The following MCTP1 variants were observed in gnomAD, a reference collection of about 807,000 sequenced individuals.
MCTP1 encodes the protein multiple C2 and transmembrane domain-containing protein 1.
In MCTP1, 69 loss-of-function variants were observed where a neutral mutation model predicts 120.6. The ratio of observed to expected loss-of-function variants is 0.57; its 90% confidence interval spans 0.47 to 0.70. The LOEUF (loss-of-function observed/expected upper bound fraction) is 0.70. MCTP1 is among the 30% of genes least tolerant of loss of function. The pLI, the probability that MCTP1 is intolerant of heterozygous loss-of-function variation, is 0.00. For synonymous variants in MCTP1, 529 were observed against 493.1 expected (o/e 1.07, Z -0.96); for missense variants, 1,203 against 1,248.8 (o/e 0.96, Z 0.55).
At chr5:95,132,501 T>G (rs1288834158) in intron 1 of MCTP1, among the ~76,000 whole-genome samples, 1 of 152,236 alleles carries the variant, frequency 6.6e-6, no homozygotes, top group South Asian at 2.1e-4. Flanking sequence ...AGTATTCCGA[T>G]AGAATTCCTA....
At chr5:95,113,600 A>T (rs1299057073) in intron 1 of MCTP1, among the ~76,000 whole-genome samples, 1 of 152,208 alleles carries the variant, frequency 6.6e-6, no homozygotes, top group East Asian at 1.9e-4. Flanking sequence ...AACCAGCCCT[A>T]GCCAGAAAGG....
intron 17 of MCTP1, among the ~76,000 whole-genome samples, chr5:94,862,053 T>C (rs1795915358): frequency 6.6e-6 from 1 of 151,810 alleles, no homozygotes; most frequent in Non-Finnish European, 1.5e-5. Flanking sequence ...CTGGTGATAT[T>C]TGTAATTTTT....
rs780202838 is a variant in MCTP1, at chr5:94,707,577, CAG to C, written c.2929-12_2929-11del. 6.8e-6 allele frequency: 11 copies of C among 1,607,480 alleles called. No homozygotes were observed. The highest frequency in any genetic ancestry group is 3.3e-5 in the South Asian group (3 of 90,900). On this transcript the variant is annotated splice_polypyrimidine_tract_variant and intron_variant, in intron 22 of 22. Transcript: ENST00000515393. ...GTTCTTGGTATTGCACCTGTTTAAA[CAG>C]AGTTCAGAGGAAGACTGGTCAGGTG...
intron 1 of MCTP1, among the ~76,000 whole-genome samples, chr5:95,120,205 A>G (rs1758124153): frequency 1.3e-5 from 2 of 149,316 alleles, no homozygotes; most frequent in South Asian, 4.2e-4. Context: ...TCTCCCAGCT[A>G]CGAAAAGTCC....
chr5:94,787,709 T>C (rs1016513790), intron 18 of MCTP1, among the ~76,000 whole-genome samples: 4 of 151,664 alleles, frequency 2.6e-5, no homozygotes, highest in Non-Finnish European at 5.9e-5. Context: ...CTCCGCCTCC[T>C]GGGTTCACGC....
chr5:94,844,181 T>G (rs1450455793), intron 17 of MCTP1, among the ~76,000 whole-genome samples: 1 of 151,070 alleles, frequency 6.6e-6, no homozygotes, highest in African/African-American at 2.4e-5. Flanking sequence ...CGGATGCCTG[T>G]AATCCCAGCT....
intron 19 of MCTP1, among the ~76,000 whole-genome samples, chr5:94,729,033 A>AT: frequency 6.6e-6 from 1 of 152,362 alleles, no homozygotes; most frequent in African/African-American, 2.4e-5. Context: ...AGCAGATAGT[A>AT]AAAAGCGCAA....
intron 12 of MCTP1, among the ~76,000 whole-genome samples, chr5:94,880,767 GATCTATTT>G (rs1243902510): frequency 6.6e-6 from 1 of 152,092 alleles, no homozygotes; most frequent in Non-Finnish European, 1.5e-5. Context: ...AGAATCTTTG[GATCTATTT>G]TTTGTTGGCA....
At chr5:94,756,828 A>T (rs1390050658) in intron 19 of MCTP1, among the ~76,000 whole-genome samples, 1 of 152,120 alleles carries the variant, frequency 6.6e-6, no homozygotes, top group Non-Finnish European at 1.5e-5. Context: ...TACTTTTTGT[A>T]TAGGATTGTG....
intron 2 of MCTP1, among the ~76,000 whole-genome samples, chr5:95,000,373 C>T (rs950187601): frequency 2.0e-5 from 3 of 152,072 alleles, no homozygotes; most frequent in Admixed American, 1.3e-4. Flanking sequence ...GCAAAACAGT[C>T]TCAGGCAGGT....
chr5:94,854,005 C>G (rs1794262041), intron 17 of MCTP1, among the ~76,000 whole-genome samples: 1 of 151,646 alleles, frequency 6.6e-6, no homozygotes, highest in African/African-American at 2.4e-5. Flanking sequence ...GAGGTAATAT[C>G]AGAATAAGGA....
In MCTP1 at chr5:95,095,006, A is replaced by ATTTTTTTTT. The variant is rs756132693; in HGVS notation, c.721-77531_721-77523dup. ...TTTTTTCTTTTATTTGTTATGTTAG[A>ATTTTTTTTT]TTTTTTTTTTTTTTTTTTTTTTTTT... On this transcript the variant is annotated intron_variant, in intron 1 of 22. Transcript: ENST00000515393. 3.0e-4 allele frequency among the ~76,000 whole-genome samples: 11 copies of ATTTTTTTTT among 36,964 alleles called. 3 individuals carry two copies. The highest frequency in any genetic ancestry group is 1.4e-3 in the African/African-American group (11 of 8,046). 24.2% of individuals were successfully genotyped at this position (36,964 alleles called of 152,430 possible).
intron 2 of MCTP1, among the ~76,000 whole-genome samples, chr5:94,988,043 C>T (rs553195206): frequency 5.9e-5 from 9 of 152,184 alleles, no homozygotes; most frequent in East Asian, 3.9e-4. Context: ...CCATGCATTA[C>T]GAATAGGTTC....
chr5:95,245,357 G>T (rs1480677864), intron 1 of MCTP1, among the ~76,000 whole-genome samples: 1 of 152,132 alleles, frequency 6.6e-6, no homozygotes, highest in Admixed American at 6.5e-5. Flanking sequence ...GGCTTCAGAA[G>T]GTCCATACTA....
chr5:94,749,805 G>A (rs966050204), intron 19 of MCTP1, among the ~76,000 whole-genome samples: 2 of 151,922 alleles, frequency 1.3e-5, no homozygotes, highest in Non-Finnish European at 2.9e-5. Flanking sequence ...AAAGCCTTGG[G>A]CCAAGAGCTA....
intron 2 of MCTP1, among the ~76,000 whole-genome samples, chr5:95,000,418 T>A (rs113276709): frequency 2.3e-3 from 355 of 152,284 alleles, no homozygotes; most frequent in African/African-American, 8.2e-3. Flanking sequence ...GGCATTATTA[T>A]CATAGGAGAT....
At chr5:94,802,824 G>A (rs959906080) in intron 17 of MCTP1, among the ~76,000 whole-genome samples, 1 of 152,194 alleles carries the variant, frequency 6.6e-6, no homozygotes, top group African/African-American at 2.4e-5. Flanking sequence ...CATTTGTCCA[G>A]ATCTGCATTT....
At chr5:95,267,542 T>C (rs1235315289) in intron 1 of MCTP1, among the ~76,000 whole-genome samples, 2 of 152,226 alleles carry the variant, frequency 1.3e-5, no homozygotes, top group Non-Finnish European at 2.9e-5. Flanking sequence ...GGTATTTCTA[T>C]TTTTGTCGAC....
At chr5:94,779,570 A>G (rs1436958099) in intron 18 of MCTP1, among the ~76,000 whole-genome samples, 1 of 152,102 alleles carries the variant, frequency 6.6e-6, no homozygotes. Context: ...TTTTCACCAA[A>G]CTCTAAGATT....
Sources: allele counts gnomAD v4.1 joint callset (sites outside exome capture counted in the v4.1 genomes callset), GRCh38; gene constraint gnomAD v4.1.1; transcripts MANE v1.5; gene names NCBI Gene and HGNC (gene_info 2026-07-23, HGNC 2026-07-21).